SKAP2: variants seen among roughly 807,000 people sequenced by gnomAD.
The protein encoded by SKAP2 is src kinase associated phosphoprotein 2, also known as src kinase-associated phosphoprotein 2.
SKAP2 carries 28 observed loss-of-function variants against 54.9 expected under a neutral mutation model. That is an observed-to-expected ratio of 0.51 (90% CI 0.38 to 0.70). SKAP2 has a LOEUF of 0.70. Ranked by LOEUF, SKAP2 falls within the 30% of genes least tolerant of loss-of-function variation. The pLI, the probability that SKAP2 is intolerant of heterozygous loss-of-function variation, is 0.00. For missense variants in SKAP2, 356 were observed against 424.1 expected, an observed-to-expected ratio of 0.84 and a Z score of 1.41; for synonymous variants, 137 against 134.3, an observed-to-expected ratio of 1.02 and a Z score of -0.14.
intron 4 of SKAP2, among the ~76,000 whole-genome samples, chr7:26,794,294 C>T (rs953280086): frequency 3.3e-5 from 5 of 152,162 alleles, no homozygotes; most frequent in African/African-American, 9.7e-5. Context: ...AGGGTAGACA[C>T]CCTGATAGCA....
At chr7:26,835,219 G>T (rs1426781012) in intron 4 of SKAP2, among the ~76,000 whole-genome samples, 1 of 152,058 alleles carries the variant, frequency 6.6e-6, no homozygotes, top group Admixed American at 6.6e-5. Context: ...GCCTATTTTT[G>T]ACAAACCCAC....
In SKAP2 at chr7:26,838,023, G is replaced by A. The variant is rs577547088; in HGVS notation, c.307+6007C>T. On this transcript the variant is annotated intron_variant, in intron 4 of 12. Transcript: ENST00000345317. ...CTCTCTATTTTAGGTTTCCTCATTT[G>A]TCAAATAGTGATAGTACTCTACTTC... 2.0e-5 allele frequency among the ~76,000 whole-genome samples: 3 copies of A among 152,174 alleles called. No homozygotes were observed. In the East Asian group the frequency reaches 5.8e-4, roughly 29 times the overall value.
chr7:26,661,655 G>A, the SKAP2 span, among the ~76,000 whole-genome samples: 1 of 152,016 alleles, frequency 6.6e-6, no homozygotes, highest in Non-Finnish European at 1.5e-5. Flanking sequence ...AAAATTAAAG[G>A]AGAATCAAAT....
At chr7:26,677,377 G>A (rs1023071509) in intron 11 of SKAP2, among the ~76,000 whole-genome samples, 4 of 140,222 alleles carry the variant, frequency 2.9e-5, no homozygotes, top group Non-Finnish European at 6.0e-5. Context: ...GGGTGACAGA[G>A]CAAGACTCTG....
intron 4 of SKAP2, among the ~76,000 whole-genome samples, chr7:26,804,600 A>G (rs998002987): frequency 1.3e-5 from 2 of 151,996 alleles, no homozygotes; most frequent in Non-Finnish European, 2.9e-5. Context: ...TTAGCCAGGC[A>G]TGGTGGCACG....
intron 4 of SKAP2, among the ~76,000 whole-genome samples, chr7:26,780,076 G>A (rs1423119957): frequency 6.6e-6 from 1 of 152,036 alleles, no homozygotes; most frequent in Non-Finnish European, 1.5e-5. Context: ...AATCACTGAG[G>A]TAAGTGTGAA....
At chr7:26,822,749 G>A (rs1784407479) in intron 4 of SKAP2, among the ~76,000 whole-genome samples, 1 of 151,978 alleles carries the variant, frequency 6.6e-6, no homozygotes, top group African/African-American at 2.4e-5. Flanking sequence ...CAGGCGTGGT[G>A]GCGGGCGCCT....
At chr7:26,725,901 T>C (rs1358615286) in intron 8 of SKAP2, 22 bp downstream of exon 8, 21 of 1,580,942 alleles carry the variant, frequency 1.3e-5, no homozygotes, top group Non-Finnish European at 1.6e-5. Flanking sequence ...CTGTGATAAC[T>C]TGTTCGATTG....
chr7:26,681,398 C>G (rs867034674), intron 11 of SKAP2, among the ~76,000 whole-genome samples: 3 of 152,160 alleles, frequency 2.0e-5, no homozygotes, highest in Admixed American at 6.5e-5. Flanking sequence ...GAGCCGAGAT[C>G]GTGCCATTGC....
intron 9 of SKAP2, among the ~76,000 whole-genome samples, chr7:26,711,367 T>C (rs1787299639): frequency 6.6e-6 from 1 of 152,220 alleles, no homozygotes; most frequent in Non-Finnish European, 1.5e-5. Context: ...TTATTGATCA[T>C]CTGAGTACCC....
At chr7:26,688,727 C>T (rs1786705226) in intron 10 of SKAP2, among the ~76,000 whole-genome samples, 1 of 152,022 alleles carries the variant, frequency 6.6e-6, no homozygotes, top group Admixed American at 6.6e-5. Context: ...TTTTCCTACC[C>T]TCAAAGGCAA....
At chr7:26,772,983 TA>T (rs1562605196) in intron 4 of SKAP2, among the ~76,000 whole-genome samples, 1 of 152,242 alleles carries the variant, frequency 6.6e-6, no homozygotes, top group Non-Finnish European at 1.5e-5. Context: ...TTTTATTAGA[TA>T]AATCCAGTGA....
rs926762220 is a variant in SKAP2 at position 26,668,284 on chromosome 7, C to A, written c.*1382G>T. 1 of 152,118 alleles carries A rather than the reference C, an allele frequency of 6.6e-6. No homozygotes were observed. The highest frequency in any genetic ancestry group is 2.4e-5 in the African/African-American group (1 of 41,426). 9.4% of individuals were successfully genotyped at this position (152,118 alleles called of 1,614,324 possible). ...CAATATTAGGAGTTTATGTGTAGTC[C>A]AAATAATTATCTAACCAGCAATGCA... On this transcript the variant is annotated 3_prime_UTR_variant, in exon 13 of 13. Coordinates refer to ENST00000345317, the MANE Select transcript of SKAP2 (RefSeq NM_003930.5).
At chr7:26,774,554 T>C (rs7803699) in intron 4 of SKAP2, among the ~76,000 whole-genome samples, 44,345 of 151,626 alleles carry the variant, frequency 0.29, 6,788 homozygotes, top group Non-Finnish European at 0.33. Flanking sequence ...CCTATGTGTA[T>C]ATGCTACCAG....
intron 1 of SKAP2, among the ~76,000 whole-genome samples, chr7:26,861,593 T>C (rs1351640334): frequency 6.7e-6 from 1 of 149,170 alleles, no homozygotes. Context: ...ACACAACACA[T>C]GTGAGTTAAC....
intron 4 of SKAP2, among the ~76,000 whole-genome samples, chr7:26,758,278 C>G (rs1413800565): frequency 2.0e-5 from 3 of 151,736 alleles, no homozygotes; most frequent in Non-Finnish European, 4.4e-5. Flanking sequence ...TTATATAATA[C>G]AATTTTTAAA....
At chr7:26,727,037 T>C (rs74498041) in intron 6 of SKAP2, 31 bp from the exon 7 acceptor site, 1 of 1,543,444 alleles carries the variant, frequency 6.5e-7, no homozygotes, top group Admixed American at 2.0e-5. Context: ...TAGAATTTCA[T>C]TTACTAAGTA....
chr7:26,741,344 C>A (rs1782442386), intron 4 of SKAP2, among the ~76,000 whole-genome samples: 1 of 151,898 alleles, frequency 6.6e-6, no homozygotes, highest in African/African-American at 2.4e-5. Context: ...CAGTGAGACC[C>A]CCATCTCTAC....
chr7:26,692,227 G>A (rs1428957368), intron 9 of SKAP2, among the ~76,000 whole-genome samples: 2 of 152,122 alleles, frequency 1.3e-5, no homozygotes, highest in Non-Finnish European at 2.9e-5. Context: ...GATGGCTAAG[G>A]TTTTGAGCTT....
Sources: gnomAD v4.1 joint callset for allele counts (sites outside exome capture counted in the v4.1 genomes callset) on GRCh38, gnomAD v4.1.1 for gene constraint, MANE v1.5 for transcripts, NCBI Gene and HGNC (gene_info 2026-07-23, HGNC 2026-07-21) for gene names.